PTPRR: variants seen among roughly 807,000 people sequenced by gnomAD.
PTPRR encodes the protein protein tyrosine phosphatase receptor type R, also known as receptor-type tyrosine-protein phosphatase R.
A neutral mutation model predicts 77.2 loss-of-function variants in PTPRR; 38 were observed. The ratio of observed to expected loss-of-function variants is 0.49; its 90% CI spans 0.38 to 0.65. The LOEUF is 0.65. Ranked by LOEUF, PTPRR falls within the 30% of genes least tolerant of loss-of-function variation. PTPRR has a pLI of 0.00. For missense variants in PTPRR, 744 were observed against 799.2 expected, an observed-to-expected ratio of 0.93 and a Z score of 0.83; for synonymous variants, 299 against 283.1, an observed-to-expected ratio of 1.06 and a Z score of -0.57.
intron 6 of PTPRR, among the ~76,000 whole-genome samples, chr12:70,743,543 A>C (rs1890118814): frequency 6.6e-6 from 1 of 152,122 alleles, no homozygotes; most frequent in Non-Finnish European, 1.5e-5. Context: ...TAGAGGAGGA[A>C]AACTGATGAA....
chr12:70,771,507 C>G (rs1412633263), intron 2 of PTPRR, among the ~76,000 whole-genome samples: 1 of 151,976 alleles, frequency 6.6e-6, no homozygotes, highest in African/African-American at 2.4e-5. Flanking sequence ...CCAGTGTTCC[C>G]ATGTCGCAAA....
Position 70,855,837 on chromosome 12 carries a change from CAAT to C in PTPRR, c.357+36839_357+36841del, listed in dbSNP as rs533163093. On this transcript the variant is annotated intron_variant, in intron 2 of 13. Coordinates refer to ENST00000283228, the MANE Select transcript of PTPRR (RefSeq NM_002849.4). Reference sequence around the variant, plus strand: ...CTGCTTGAAAACCTGCATATAACAACAATGTTTTGCAACATCCCCATGCCCTAT... The same window carrying C: ...CTGCTTGAAAACCTGCATATAACAACGTTTTGCAACATCCCCATGCCCTAT... Among the ~76,000 whole-genome samples, 766 of 152,236 alleles carry C rather than the reference CAAT, an allele frequency of 5.0e-3. 4 individuals are homozygous for C. The highest frequency in any genetic ancestry group is 8.9e-3 in the Non-Finnish European group (603 of 68,012).
At chr12:70,878,107 G>T (rs1178633853) in intron 2 of PTPRR, among the ~76,000 whole-genome samples, 3 of 152,076 alleles carry the variant, frequency 2.0e-5, no homozygotes, top group Admixed American at 6.6e-5. Flanking sequence ...ATTCAAGATG[G>T]ATTAAAGACT....
chr12:70,757,306 G>C (rs961074770), intron 4 of PTPRR, among the ~76,000 whole-genome samples: 4 of 152,138 alleles, frequency 2.6e-5, no homozygotes, highest in African/African-American at 9.7e-5. Context: ...GGAAACTGGA[G>C]TAATTTGCAA....
At chr12:70,898,080 C>T (rs988837512) in intron 1 of PTPRR, among the ~76,000 whole-genome samples, 1 of 151,594 alleles carries the variant, frequency 6.6e-6, no homozygotes, top group Non-Finnish European at 1.5e-5. Flanking sequence ...TGCAGCACAC[C>T]AACATGGCAC....
chr12:70,733,337 G>A (rs542035674), intron 6 of PTPRR, among the ~76,000 whole-genome samples: 1 of 148,246 alleles, frequency 6.7e-6, no homozygotes, highest in South Asian at 2.1e-4. Flanking sequence ...ACTACACTGA[G>A]ACCTGTTTTC....
intron 6 of PTPRR, among the ~76,000 whole-genome samples, chr12:70,714,872 C>T (rs561960373): frequency 1.3e-5 from 2 of 152,152 alleles, no homozygotes; most frequent in African/African-American, 4.8e-5. Flanking sequence ...GTAGTTCCAG[C>T]CACCTGGGAG....
intron 5 of PTPRR, among the ~76,000 whole-genome samples, chr12:70,747,031 T>A (rs1489647684): frequency 6.6e-6 from 1 of 152,198 alleles, no homozygotes; most frequent in African/African-American, 2.4e-5. Context: ...AAAGAAAAGA[T>A]GTCTGATATT....
intron 2 of PTPRR, among the ~76,000 whole-genome samples, chr12:70,866,000 C>T (rs1225844667): frequency 5.9e-5 from 9 of 151,960 alleles, no homozygotes; most frequent in African/African-American, 1.7e-4. Context: ...AACAAAGACA[C>T]AACATACCAG....
intron 1 of PTPRR, among the ~76,000 whole-genome samples, chr12:70,918,505 C>A (rs967240031): frequency 1.3e-5 from 2 of 152,114 alleles, no homozygotes; most frequent in Admixed American, 1.3e-4. Flanking sequence ...TACCCTTTGG[C>A]AGAACTCCAG....
chr12:70,829,238 G>A (rs1045001242), intron 2 of PTPRR, among the ~76,000 whole-genome samples: 1 of 145,224 alleles, frequency 6.9e-6, no homozygotes, highest in Non-Finnish European at 1.5e-5. Flanking sequence ...GAGGAAGGAA[G>A]GAAGGAAAGA....
At chr12:70,797,967 A>G (rs1157272440) in intron 2 of PTPRR, among the ~76,000 whole-genome samples, 1 of 152,174 alleles carries the variant, frequency 6.6e-6, no homozygotes, top group African/African-American at 2.4e-5. Flanking sequence ...TATTTTCCAA[A>G]TGTCTCTGTC....
rs565949747 is a variant in PTPRR at position 70,827,587 on chromosome 12, C to G, written c.358-62809G>C. Among the ~76,000 whole-genome samples the G allele has an allele frequency of 1.2e-4, 18 of 151,164 alleles. No homozygotes were observed. The East Asian group carries it at 3.3e-3, about 28-fold the overall frequency. ...TTTTGACAGAGTCTCACTATGTTAC[C>G]CAGGCTGGAGGGCAGTGGCATGATC... On this transcript the variant is annotated intron_variant, in intron 2 of 13. Coordinates refer to ENST00000283228, the MANE Select transcript of PTPRR (RefSeq NM_002849.4).
At chr12:70,819,509 A>G (rs1240206950) in intron 2 of PTPRR, among the ~76,000 whole-genome samples, 1 of 152,188 alleles carries the variant, frequency 6.6e-6, no homozygotes, top group Non-Finnish European at 1.5e-5. Context: ...TTTCACTTCA[A>G]TTTATTACAC....
chr12:70,795,261 C>T (rs187801311), intron 2 of PTPRR, among the ~76,000 whole-genome samples: 28 of 152,268 alleles, frequency 1.8e-4, no homozygotes, highest in African/African-American at 6.5e-4. Context: ...TATTAAATTA[C>T]ATCTCCTATT....
chr12:70,863,049 C>G (rs1309218946), intron 2 of PTPRR, among the ~76,000 whole-genome samples: 4 of 152,132 alleles, frequency 2.6e-5, no homozygotes, highest in Admixed American at 2.6e-4. Flanking sequence ...GTCTTTTAAT[C>G]AACCAATTGC....
chr12:70,709,055 C>T (rs1176380981), intron 6 of PTPRR, among the ~76,000 whole-genome samples: 6 of 152,080 alleles, frequency 3.9e-5, no homozygotes, highest in African/African-American at 7.2e-5. Context: ...CCTTGATGAA[C>T]ATTGATACAC....
intron 2 of PTPRR, among the ~76,000 whole-genome samples, chr12:70,800,268 CT>C (rs1028252059): frequency 9.4e-5 from 14 of 148,330 alleles, no homozygotes; most frequent in African/African-American, 3.0e-4. Flanking sequence ...TGTTCTCTCT[CT>C]TTTTTTTTTT....
At chr12:70,668,276 G>C (rs959490538) in intron 10 of PTPRR, among the ~76,000 whole-genome samples, 1 of 152,062 alleles carries the variant, frequency 6.6e-6, no homozygotes, top group African/African-American at 2.4e-5. Context: ...AGAAGAGGAG[G>C]AAGAGGAGGA....
Sources: allele counts gnomAD v4.1 joint callset (sites outside exome capture counted in the v4.1 genomes callset), GRCh38; gene constraint gnomAD v4.1.1; transcripts MANE v1.5; gene names NCBI Gene and HGNC (gene_info 2026-07-23, HGNC 2026-07-21).